Variants in COPG2 observed in about 807,000 individuals in gnomAD.
The protein encoded by COPG2 is coat protein complex I subunit gamma 2.
In COPG2, 37 loss-of-function variants were observed where a neutral mutation model predicts 46.3. That is an observed-to-expected ratio of 0.80 (90% confidence interval 0.61 to 1.05). The LOEUF (loss-of-function observed/expected upper bound fraction) is 1.05, where lower values mean the gene tolerates loss of function less well. Ranked by LOEUF, COPG2 falls within the 50% of genes least tolerant of loss-of-function variation. The pLI, the probability that COPG2 is intolerant of heterozygous loss-of-function variation, is 0.00. For missense variants in COPG2, 427 were observed against 387.8 expected (o/e 1.10, Z -0.85); for synonymous variants, 159 against 129.7 (o/e 1.23, Z -1.53).
intron 13 of COPG2, 140 bp downstream of exon 13, chr7:130,554,897 A>G (rs1266720183): frequency 7.5e-6 from 3 of 397,546 alleles, no homozygotes; most frequent in African/African-American, 2.1e-5. Context: ...ATGTTTAGTA[A>G]TAAGACAGTA....
chr7:130,668,672 G>C lies in COPG2; in HGVS notation c.-4C>G, dbSNP rs1320346823. ...TCTTGTCGAATTTTTTAATCATCTT[G>C]GACGACTTCCCAGCGCCCAGACCCA... On this transcript the variant is annotated 5_prime_UTR_variant, in exon 1 of 24. Transcript: ENST00000425248. 1.3e-6 allele frequency: 2 copies of C among 1,540,170 alleles called. No individual in the cohort carries two copies. Among genetic ancestry groups the C allele is most frequent in the Non-Finnish European group, 1.7e-6 (2 of 1,145,234 alleles).
intron 7 of COPG2, among the ~76,000 whole-genome samples, chr7:130,613,307 C>A (rs782741063): frequency 1.3e-5 from 2 of 152,210 alleles, no homozygotes; most frequent in Non-Finnish European, 2.9e-5. Flanking sequence ...GCAATGCTCG[C>A]TTGCCTGCCA....
chr7:130,652,912 C>A lies in COPG2; in HGVS notation c.280G>T (p.Glu94Ter). 6.2e-7 allele frequency: 1 copy of A among 1,607,496 alleles called. No individual in the cohort carries two copies. Among genetic ancestry groups the A allele is most frequent in the South Asian group, 1.1e-5 (1 of 89,704 alleles). ...LRRMCYLTIK[E>*]MATISEDVII... is the part of the protein sequence containing the mutation. ...ACATCCTCAGAGATGGTAGCCATTT[C>A]TTTGATGGTAAGGTAGCACATTCTC... Residue 94 changes from glutamate (E) to a stop codon, truncating the protein, a stop_gained, in exon 5 of 24, where the codon GAA (glutamate) becomes TAA (stop). Transcript: ENST00000425248. LOFTEE classifies it high-confidence loss of function.
At chr7:130,648,600 G>A (rs541531484) in intron 5 of COPG2, among the ~76,000 whole-genome samples, 1 of 152,294 alleles carries the variant, frequency 6.6e-6, no homozygotes, top group Non-Finnish European at 1.5e-5. Flanking sequence ...ATACAAGGAC[G>A]GGACTGCCGT....
chr7:130,541,186 G>A (rs1452835560), intron 20 of COPG2, among the ~76,000 whole-genome samples: 2 of 152,180 alleles, frequency 1.3e-5, no homozygotes, highest in Admixed American at 6.5e-5. Flanking sequence ...GGATGTAGCC[G>A]AAAAGGCACC....
At chr7:130,647,728 A>AG (rs1795644174) in intron 5 of COPG2, among the ~76,000 whole-genome samples, 1 of 148,058 alleles carries the variant, frequency 6.8e-6, no homozygotes. Flanking sequence ...TACCTCATTA[A>AG]GATTTTTTTT....
At chr7:130,520,706 A>C (rs1330981509) in intron 20 of COPG2, among the ~76,000 whole-genome samples, 2 of 152,224 alleles carry the variant, frequency 1.3e-5, no homozygotes, top group Non-Finnish European at 2.9e-5. Context: ...TCTTCTCCAT[A>C]ATATGAGCGG....
At chr7:130,588,647 G>C (rs1554448417) in intron 9 of COPG2, among the ~76,000 whole-genome samples, 2 of 152,264 alleles carry the variant, frequency 1.3e-5, no homozygotes. Context: ...GGACTGTTGT[G>C]GGGCAGGGGG....
chr7:130,608,870 G>A (rs782169207), intron 9 of COPG2, among the ~76,000 whole-genome samples: 1 of 151,772 alleles, frequency 6.6e-6, no homozygotes, highest in Non-Finnish European at 1.5e-5. Flanking sequence ...TTTTGGGTTT[G>A]TTGTTGTTAT....
chr7:130,531,014 A>G (rs1215878450), intron 20 of COPG2, among the ~76,000 whole-genome samples: 1 of 137,370 alleles, frequency 7.3e-6, no homozygotes, highest in Non-Finnish European at 1.5e-5. Context: ...AAAGGTGTGA[A>G]TCTTGGGCCA....
Position 130,668,743 on chromosome 7 carries a change from A to G in COPG2, c.-75T>C. ...GCAGCCGGCGAGCGGAAGAGGCTGCAGGAAGGCCGGCCCCGCGCTCTCACG... is the reference window on the plus strand; with the variant it reads ...GCAGCCGGCGAGCGGAAGAGGCTGCGGGAAGGCCGGCCCCGCGCTCTCACG... On this transcript the variant is annotated 5_prime_UTR_variant, in exon 1 of 24. Transcript: ENST00000425248. 1.4e-6 allele frequency: 2 copies of G among 1,472,548 alleles called. No individual in the cohort carries two copies. Among genetic ancestry groups the G allele is most frequent in the Non-Finnish European group, 9.1e-7 (1 of 1,101,278 alleles). 91.2% of individuals were successfully genotyped at this position (1,472,548 alleles called of 1,614,324 possible).
At chr7:130,548,936 A>C (rs1195400076) in intron 18 of COPG2, among the ~76,000 whole-genome samples, 1 of 151,586 alleles carries the variant, frequency 6.6e-6, no homozygotes, top group Non-Finnish European at 1.5e-5. Context: ...AAAATGCTTT[A>C]GTTTCCATAG....
intron 9 of COPG2, chr7:130,605,569 CAA>C: frequency 2.6e-6 from 1 of 385,662 alleles, no homozygotes; most frequent in South Asian, 2.0e-5. Flanking sequence ...GCAAGGGACT[CAA>C]AGAGAGGCCT....
At chr7:130,519,995 C>G (rs893320853) in intron 20 of COPG2, among the ~76,000 whole-genome samples, 1 of 152,110 alleles carries the variant, frequency 6.6e-6, no homozygotes, top group Non-Finnish European at 1.5e-5. Flanking sequence ...TTAAGATAAA[C>G]CCTGATAAGA....
At chr7:130,634,206 C>CT (rs1232864614) in intron 5 of COPG2, among the ~76,000 whole-genome samples, 5 of 152,022 alleles carry the variant, frequency 3.3e-5, no homozygotes, top group African/African-American at 9.7e-5. Flanking sequence ...TATGTGGGAT[C>CT]TTTTTTGGTT....
At chr7:130,640,471 G>T (rs549413092) in intron 5 of COPG2, among the ~76,000 whole-genome samples, 6 of 151,874 alleles carry the variant, frequency 4.0e-5, no homozygotes, top group Non-Finnish European at 7.4e-5. Context: ...TAATCACTGG[G>T]AAAGATGGGC....
chr7:130,629,371 C>T (rs955634394), intron 5 of COPG2, among the ~76,000 whole-genome samples: 16 of 150,954 alleles, frequency 1.1e-4, no homozygotes, highest in African/African-American at 3.6e-4. Flanking sequence ...TCTCTCCTTT[C>T]TCCTTCTGGA....
At chr7:130,528,635 G>A (rs1484528670) in intron 20 of COPG2, among the ~76,000 whole-genome samples, 4 of 151,262 alleles carry the variant, frequency 2.6e-5, no homozygotes, top group African/African-American at 4.9e-5. Context: ...CAGGAGAGAC[G>A]ACCAACCTGC....
intron 20 of COPG2, chr7:130,511,379 G>A: frequency 1.9e-6 from 1 of 519,156 alleles, no homozygotes; most frequent in Non-Finnish European, 3.9e-6. Context: ...GAGAAGCAAT[G>A]GGTGCAGCAT....
Sources: allele counts gnomAD v4.1 joint callset (sites outside exome capture counted in the v4.1 genomes callset), GRCh38; gene constraint gnomAD v4.1.1; transcripts MANE v1.5; gene names NCBI Gene and HGNC (gene_info 2026-07-23, HGNC 2026-07-21).